The following NUAK1 variants were observed in gnomAD, a reference collection of about 807,000 sequenced individuals.
NUAK1 encodes the protein NUAK family kinase 1.
A neutral mutation model predicts 56.9 loss-of-function variants in NUAK1; 26 were observed. That is an observed-to-expected ratio of 0.46 (90% CI 0.33 to 0.63). The LOEUF (loss-of-function observed/expected upper bound fraction) is 0.63. Among genes scored for constraint, NUAK1 ranks in the 30% least tolerant of loss-of-function variants. The probability of loss-of-function intolerance (pLI) is 0.02; values close to 1 mark genes in which losing one functional copy is unlikely to be tolerated. For synonymous variants in NUAK1, 337 were observed against 336.0 expected, an observed-to-expected ratio of 1.00 and a Z score of -0.03; for missense variants, 727 against 876.1, an observed-to-expected ratio of 0.83 and a Z score of 2.15.
intron 1 of NUAK1, among the ~76,000 whole-genome samples, chr12:106,112,466 C>G (rs369446463): frequency 6.6e-6 from 1 of 152,286 alleles, no homozygotes. Flanking sequence ...CCCAGGATCA[C>G]CATGTGGCTT....
At chr12:106,082,750 G>A (rs949316869) in intron 4 of NUAK1, among the ~76,000 whole-genome samples, 2 of 152,188 alleles carry the variant, frequency 1.3e-5, no homozygotes, top group Non-Finnish European at 2.9e-5. Flanking sequence ...ACTAATGGTT[G>A]CTGCCATGAT....
At position 106,067,965 on chromosome 12, in the gene NUAK1, A is replaced by T; in HGVS notation, c.833-10T>A. On this transcript the variant is annotated splice_polypyrimidine_tract_variant and intron_variant, in intron 6 of 6. Transcript: ENST00000261402. This position sits in a 1 kb window ranked among gnomAD's most constrained non-coding sequence, Gnocchi z 6.0. The stretch of plus-strand genomic sequence containing the variant: ...ATGAGTCCTCGAGCATCTAAGGGAC[A>T]AGGGACAAAAAGAATCGGGCATTAT... The T allele has an allele frequency of 6.3e-7, 1 of 1,586,594 alleles. No homozygotes were observed. The highest frequency in any genetic ancestry group is 8.6e-7 in the Non-Finnish European group (1 of 1,164,486).
At chr12:106,079,464 A>C (rs1393662411) in intron 4 of NUAK1, among the ~76,000 whole-genome samples, 2 of 152,126 alleles carry the variant, frequency 1.3e-5, no homozygotes, top group Non-Finnish European at 2.9e-5. Flanking sequence ...GGCCCTGCCA[A>C]GGGAGAAGGA....
chr12:106,067,960 G>C lies in NUAK1; in HGVS notation c.833-5C>G. ...ACCGTATGAGTCCTCGAGCATCTAA[G>C]GGACAAGGGACAAAAAGAATCGGGC... On this transcript the variant is annotated splice_polypyrimidine_tract_variant and splice_region_variant and intron_variant, in intron 6 of 6. Transcript: ENST00000261402. The surrounding 1 kb of genome is among the most constrained non-coding windows in gnomAD (Gnocchi z 6.0). 1 of 1,590,996 alleles carries C rather than the reference G, an allele frequency of 6.3e-7. No individual in the cohort carries two copies. Among genetic ancestry groups the C allele is most frequent in the Non-Finnish European group, 8.6e-7 (1 of 1,166,750 alleles).
chr12:106,076,559 G>T (rs190873472), intron 4 of NUAK1, among the ~76,000 whole-genome samples: 2 of 152,286 alleles, frequency 1.3e-5, no homozygotes, highest in East Asian at 1.9e-4. Context: ...AGGAGCCCCG[G>T]AACTCAAGGC....
chr12:106,122,012 A>G (rs977611092), intron 1 of NUAK1, among the ~76,000 whole-genome samples: 1 of 152,174 alleles, frequency 6.6e-6, no homozygotes, highest in East Asian at 1.9e-4. Context: ...ACACTTTCTC[A>G]GAAACTCTTT....
intron 2 of NUAK1, among the ~76,000 whole-genome samples, chr12:106,092,171 C>T (rs1347668663): frequency 6.6e-6 from 1 of 152,100 alleles, no homozygotes; most frequent in Non-Finnish European, 1.5e-5. Flanking sequence ...TACACCAATA[C>T]CATGAATATG....
chr12:106,075,393 C>T (rs934085), intron 4 of NUAK1, among the ~76,000 whole-genome samples: 111,924 of 151,752 alleles, frequency 0.74, 42,565 homozygotes, highest in East Asian at 0.98. Context: ...TAATGCCATA[C>T]GGAACTTATA....
rs756042950 is a variant in NUAK1 at position 106,070,804 on chromosome 12, C to T, written c.802G>A (p.Gly268Arg). Residue 268 changes from glycine (G) to arginine (R), a missense_variant, in exon 6 of 7, where the codon GGA (glycine) becomes AGA (arginine). Coordinates refer to ENST00000261402, the MANE Select transcript of NUAK1 (RefSeq NM_014840.3). ...GGCTGTGTTGGCTCCCGGTACTCTC[C>T]GCTGCTGATTTGCCGAATGAGGTTT... Reference protein sequence around the residue: ...HKNLIRQISSGEYREPTQPSD... With the variant: ...HKNLIRQISSREYREPTQPSD... The T allele has an allele frequency of 6.8e-6, 11 of 1,614,206 alleles. No individual in the cohort carries two copies. The highest frequency in any genetic ancestry group is 9.3e-6 in the Non-Finnish European group (11 of 1,180,044).
In NUAK1 at chr12:106,067,253, A is replaced by G. The variant is rs2136454461; in HGVS notation, c.1535T>C (p.Val512Ala). 1 of 1,613,174 alleles carries G rather than the reference A, an allele frequency of 6.2e-7. No individual in the cohort carries two copies. Among genetic ancestry groups the G allele is most frequent in the East Asian group, 2.2e-5 (1 of 44,814 alleles). ...CCGGCAGGAGAGGCTGTGGGAGGTT[A>G]CCCTGGCTGGGTCCGGGGGGCTGGG... ...PSPSPPDPAR[V>A]TSHSLSCRRK... Residue 512 changes from valine to alanine, a missense_variant, in exon 7 of 7, where the codon GTA (valine) becomes GCA (alanine). Val to Ala is a moderately conservative substitution (Grantham distance 64). Coordinates refer to ENST00000261402, the MANE Select transcript of NUAK1 (RefSeq NM_014840.3). This position sits in a 1 kb window ranked among gnomAD's most constrained non-coding sequence, Gnocchi z 6.0.
In NUAK1 at chr12:106,066,469, T is replaced by G. The variant is rs1481680373; in HGVS notation, c.*333A>C. 1 of 306,164 alleles carries G rather than the reference T, an allele frequency of 3.3e-6. No homozygotes were observed. Among genetic ancestry groups the G allele is most frequent in the Non-Finnish European group, 6.2e-6 (1 of 162,234 alleles). The allele number at this position is 306,164 out of a possible 1,614,324, so 19.0% of individuals were successfully genotyped here. A position where few individuals can be genotyped will look rare whatever the true frequency, so the allele number is the denominator to read the frequency against. On this transcript the variant is annotated 3_prime_UTR_variant, in exon 7 of 7. Coordinates refer to ENST00000261402, the MANE Select transcript of NUAK1 (RefSeq NM_014840.3). Reference sequence around the variant, plus strand: ...CCTCCTCCAGAAGCATCTGGATGACTTCTAAGGAAATGCTCCTTCCACATA... The same window carrying G: ...CCTCCTCCAGAAGCATCTGGATGACGTCTAAGGAAATGCTCCTTCCACATA...
chr12:106,090,205 G>A (rs2032621269), intron 2 of NUAK1, among the ~76,000 whole-genome samples: 1 of 152,118 alleles, frequency 6.6e-6, no homozygotes, highest in African/African-American at 2.4e-5. Flanking sequence ...GAGCAATCTG[G>A]TCAGAGAACT....
chr12:106,102,834 A>T (rs976632625), intron 2 of NUAK1, among the ~76,000 whole-genome samples: 13 of 152,320 alleles, frequency 8.5e-5, no homozygotes, highest in Admixed American at 5.9e-4. Flanking sequence ...GCTGAAGCTC[A>T]AGACCTCCTG....
chr12:106,081,851 G>A (rs912377556), intron 4 of NUAK1, among the ~76,000 whole-genome samples: 1 of 152,200 alleles, frequency 6.6e-6, no homozygotes, highest in Non-Finnish European at 1.5e-5. Context: ...AGTTTTGAGA[G>A]CTCTGGGGGC....
At chr12:106,099,207 T>C (rs1422065557) in intron 2 of NUAK1, among the ~76,000 whole-genome samples, 1 of 152,158 alleles carries the variant, frequency 6.6e-6, no homozygotes, top group Non-Finnish European at 1.5e-5. Context: ...GAAAGACACA[T>C]TTGAAAGGAA....
chr12:106,095,114 GCT>G (rs1230199754), intron 2 of NUAK1, among the ~76,000 whole-genome samples: 6 of 151,948 alleles, frequency 3.9e-5, no homozygotes, highest in Non-Finnish European at 7.4e-5. Flanking sequence ...TCCCTCTATT[GCT>G]CTGTCTCAGC....
chr12:106,077,459 CAG>C (rs988718303), intron 4 of NUAK1, among the ~76,000 whole-genome samples: 11 of 152,318 alleles, frequency 7.2e-5, no homozygotes, highest in African/African-American at 2.2e-4. Flanking sequence ...ACCAGGCAAA[CAG>C]GGAACCAAAA....
chr12:106,128,134 CTT>C (rs1399268734), intron 1 of NUAK1, among the ~76,000 whole-genome samples: 21 of 136,634 alleles, frequency 1.5e-4, no homozygotes, highest in Non-Finnish European at 2.2e-4. Flanking sequence ...TTTTCTTTTT[CTT>C]TTTTTTTTTT....
chr12:106,106,387 A>G lies in NUAK1; in HGVS notation c.361+18T>C. The G allele has an allele frequency of 2.5e-6, 4 of 1,594,602 alleles. No homozygotes were observed. The highest frequency in any genetic ancestry group is 3.4e-6 in the Non-Finnish European group (4 of 1,172,042). ...ATGGTAACTGATATGGGGGTTAAAA[A>G]AAAAAAAAATCACTGACCTTCATAA... On this transcript the variant is annotated intron_variant, in intron 2 of 6. Transcript: ENST00000261402.
Sources: gnomAD v4.1 joint callset for allele counts (sites outside exome capture counted in the v4.1 genomes callset) on GRCh38, gnomAD v4.1.1 for gene constraint, Gnocchi (gnomAD v3.1) non-coding constraint, MANE v1.5 for transcripts, NCBI Gene and HGNC (gene_info 2026-07-23, HGNC 2026-07-21) for gene names.